The following CFAP70 variants were observed in gnomAD, a reference collection of about 807,000 sequenced individuals.
The protein encoded by CFAP70 is cilia and flagella associated protein 70.
A neutral mutation model predicts 137.6 loss-of-function variants in CFAP70; 81 were observed. That is an observed-to-expected ratio of 0.59 (90% confidence interval 0.49 to 0.71). The LOEUF is 0.71. Ranked by LOEUF, CFAP70 falls within the 30% of genes least tolerant of loss-of-function variation. CFAP70 has a pLI of 0.00. For missense variants in CFAP70, 976 were observed against 1,226.7 expected (o/e 0.80, Z 3.05); for synonymous variants, 382 against 423.6 (o/e 0.90, Z 1.20).
At chr10:73,361,864 CT>C (rs2055023673), upstream of CFAP70, among the ~76,000 whole-genome samples, 1 of 147,924 alleles carries the variant, frequency 6.8e-6, no homozygotes, top group East Asian at 1.9e-4. Context: ...TTTTTTTTTT[CT>C]TTCAGAAATT....
intron 2 of CFAP70, 57 bp downstream of exon 2, chr10:73,354,677 C>T: frequency 6.9e-7 from 1 of 1,457,714 alleles, no homozygotes; most frequent in Non-Finnish European, 9.6e-7. Flanking sequence ...AAATTCCATT[C>T]CTCCTGCAGG....
At chr10:73,253,938 A>ACCT (rs778262956) in exon 27 of CFAP70, 186 of 1,524,930 alleles carry the variant, frequency 1.2e-4, no homozygotes, top group Non-Finnish European at 1.6e-4. Flanking sequence ...AAAGGAACTC[A>ACCT]GAGTCCCATG....
intron 9 of CFAP70, among the ~76,000 whole-genome samples, chr10:73,321,143 G>A (rs551398795): frequency 8.5e-5 from 13 of 152,148 alleles, no homozygotes; most frequent in African/African-American, 1.7e-4. Flanking sequence ...CTGGCCGGGC[G>A]CAGTGGCTCA....
intron 9 of CFAP70, among the ~76,000 whole-genome samples, chr10:73,320,536 C>T (rs933397821): frequency 2.0e-5 from 3 of 151,952 alleles, no homozygotes; most frequent in African/African-American, 7.3e-5. Flanking sequence ...GCTATTTTGC[C>T]CTGGGTGGTC....
chr10:73,323,772 G>A (rs1199030972), intron 8 of CFAP70, among the ~76,000 whole-genome samples: 1 of 152,252 alleles, frequency 6.6e-6, no homozygotes, highest in Non-Finnish European at 1.5e-5. Context: ...CAAGGCTGGG[G>A]GAGGGGTGCC....
chr10:73,287,782 A>G (rs2047848036), intron 19 of CFAP70, among the ~76,000 whole-genome samples: 1 of 152,200 alleles, frequency 6.6e-6, no homozygotes, highest in African/African-American at 2.4e-5. Context: ...CTGAGAACTG[A>G]AGAAGGAAGA....
exon 13 of CFAP70, chr10:73,299,627 C>T (rs200961373): frequency 8.1e-6 from 13 of 1,612,554 alleles, no homozygotes; most frequent in African/African-American, 8.0e-5. Flanking sequence ...TCCTGTCCGA[C>T]GGGTAAGAGG....
chr10:73,301,760 A>G (rs2132004484), intron 12 of CFAP70, among the ~76,000 whole-genome samples: 1 of 152,270 alleles, frequency 6.6e-6, no homozygotes, highest in East Asian at 1.9e-4. Context: ...ACTTTATTTT[A>G]TTTTTATTTT....
chr10:73,304,867 A>C (rs2049252660), intron 12 of CFAP70, among the ~76,000 whole-genome samples: 1 of 151,876 alleles, frequency 6.6e-6, no homozygotes, highest in African/African-American at 2.4e-5. Flanking sequence ...AAACACACAC[A>C]CCAGAAACTG....
At chr10:73,361,953 T>G (rs2055026628), upstream of CFAP70, among the ~76,000 whole-genome samples, 1 of 151,998 alleles carries the variant, frequency 6.6e-6, no homozygotes, top group South Asian at 2.1e-4. Flanking sequence ...AGAAGAACAG[T>G]TGGAAAACTC....
chr10:73,281,554 G>A (rs1276387181), intron 19 of CFAP70, among the ~76,000 whole-genome samples: 3 of 152,032 alleles, frequency 2.0e-5, no homozygotes, highest in Admixed American at 6.6e-5. Context: ...TGTGGGTGGA[G>A]CCTGGTTTGC....
At position 73,311,890 on chromosome 10, in the gene CFAP70, T is replaced by A. The variant is rs758785106; in HGVS notation, c.1108A>T (p.Ser370Cys). The change falls in exon 11 of 27, where the codon AGC becomes TGC. Residue 370 changes from serine to cysteine, a missense_variant. By Grantham distance (112) the Ser-to-Cys change is moderately radical. Transcript: ENST00000310715. ...TCACCTTCCAAAGGAGTATCTGAGCTCTGAGATTTTATACTAGGTGCCTGC... is the reference window on the plus strand; with the variant it reads ...TCACCTTCCAAAGGAGTATCTGAGCACTGAGATTTTATACTAGGTGCCTGC... 2.5e-6 allele frequency: 4 copies of A among 1,613,984 alleles called. No individual in the cohort carries two copies. The South Asian group carries it at 4.4e-5, about 18-fold the overall frequency.
intron 25 of CFAP70, among the ~76,000 whole-genome samples, chr10:73,261,609 C>T (rs956523665): frequency 6.6e-6 from 1 of 152,134 alleles, no homozygotes; most frequent in Non-Finnish European, 1.5e-5. Context: ...TCAGCTCCCA[C>T]CTGGTTCCTT....
intron 25 of CFAP70, among the ~76,000 whole-genome samples, chr10:73,264,607 G>A (rs1231560097): frequency 2.0e-5 from 3 of 152,040 alleles, no homozygotes; most frequent in Non-Finnish European, 2.9e-5. Context: ...AGTAATTTCA[G>A]AACTGCTAAC....
At chr10:73,273,903 T>G (rs2046498512) in intron 23 of CFAP70, among the ~76,000 whole-genome samples, 1 of 152,242 alleles carries the variant, frequency 6.6e-6, no homozygotes, top group South Asian at 2.1e-4. Flanking sequence ...TTCATTCTAC[T>G]ATTCTGTTTG....
At chr10:73,297,478 G>A (rs1346098413) in intron 14 of CFAP70, among the ~76,000 whole-genome samples, 1 of 152,192 alleles carries the variant, frequency 6.6e-6, no homozygotes, top group African/African-American at 2.4e-5. Context: ...GTCTCTCATG[G>A]TGGCCATATG....
intron 19 of CFAP70, among the ~76,000 whole-genome samples, chr10:73,284,731 A>T (rs2047515239): frequency 1.5e-5 from 1 of 65,200 alleles, no homozygotes; most frequent in Admixed American, 2.4e-4. Context: ...GCCATATATG[A>T]CCTGCCACAT....
chr10:73,268,679 TA>T (rs2045980230), intron 25 of CFAP70, among the ~76,000 whole-genome samples: 2 of 121,724 alleles, frequency 1.6e-5, no homozygotes, highest in Non-Finnish European at 3.3e-5. Flanking sequence ...GAACTCTTTT[TA>T]TTTGTTTTTC....
At chr10:73,265,816 A>C (rs2045698991) in intron 25 of CFAP70, among the ~76,000 whole-genome samples, 1 of 150,920 alleles carries the variant, frequency 6.6e-6, no homozygotes, top group African/African-American at 2.4e-5. Flanking sequence ...CTTCATAATA[A>C]GGCTTGATAT....
Sources: allele counts gnomAD v4.1 joint callset (sites outside exome capture counted in the v4.1 genomes callset), GRCh38; gene constraint gnomAD v4.1.1; transcripts MANE v1.5; gene names NCBI Gene and HGNC (gene_info 2026-07-23, HGNC 2026-07-21).